Variants in DLGAP2 observed in about 807,000 individuals in gnomAD.
The protein encoded by DLGAP2 is DLG associated protein 2.
A neutral mutation model predicts 100.3 loss-of-function variants in DLGAP2; 26 were observed. The ratio of observed to expected loss-of-function variants is 0.26; its 90% confidence interval spans 0.19 to 0.36. The LOEUF is 0.36. DLGAP2 is among the 10% of genes least tolerant of loss of function. The pLI is 1.00. For missense variants in DLGAP2, 1,858 were observed against 1,453.2 expected (o/e 1.28, Z -4.53); for synonymous variants, 886 against 630.1 (o/e 1.41, Z -6.08).
chr8:867,099 C>T (rs931677259), intron 1 of DLGAP2, among the ~76,000 whole-genome samples: 9 of 152,326 alleles, frequency 5.9e-5, no homozygotes, highest in East Asian at 1.9e-4. Flanking sequence ...ATTCGTGTGC[C>T]GCCTACCGGC....
In DLGAP2 at chr8:975,270, G is replaced by A. The variant is rs749866549; in HGVS notation, c.73+67304G>A. 5.9e-4 allele frequency among the ~76,000 whole-genome samples: 90 copies of A among 152,114 alleles called. 1 individual carries two copies. Among genetic ancestry groups the A allele is most frequent in the Non-Finnish European group, 4.3e-4 (29 of 68,016 alleles). ...AACTAATAACTTTCCAAAACAGTAAGCACCAAGCCCGCATGGGTTCATTGG... is the reference window on the plus strand; with the variant it reads ...AACTAATAACTTTCCAAAACAGTAAACACCAAGCCCGCATGGGTTCATTGG... On this transcript the variant is annotated intron_variant, in intron 2 of 14. Transcript: ENST00000637795.
intron 1 of DLGAP2, among the ~76,000 whole-genome samples, chr8:783,648 C>T (rs1204653352): frequency 6.6e-6 from 1 of 152,142 alleles, no homozygotes; most frequent in Non-Finnish European, 1.5e-5. Context: ...CTACAGTCTG[C>T]TAATCTGAGA....
intron 2 of DLGAP2, among the ~76,000 whole-genome samples, chr8:1,164,292 G>C (rs1467447100): frequency 2.2e-5 from 1 of 45,018 alleles, no homozygotes; most frequent in African/African-American, 6.4e-5. Context: ...GACTGATTGT[G>C]AGCCCCCCAG....
chr8:1,029,397 A>G (rs1801909879), intron 2 of DLGAP2, among the ~76,000 whole-genome samples: 1 of 152,224 alleles, frequency 6.6e-6, no homozygotes. Context: ...GCCGAGGTAC[A>G]GAGGAAACTG....
At position 1,429,997 on chromosome 8, in the gene DLGAP2, CAT is replaced by C. The variant is rs1361890198; in HGVS notation, c.107-71361_107-71360del. On this transcript the variant is annotated intron_variant, in intron 3 of 14. Coordinates refer to ENST00000637795, the MANE Select transcript of DLGAP2 (RefSeq NM_001346810.2). ...GAATGAAAGCAGAAGGGGAGAGATG[CAT>C]ATATATACATATATATATATATATA... Among the ~76,000 whole-genome samples, 53 of 19,664 alleles carry C rather than the reference CAT, an allele frequency of 2.7e-3. 6 individuals are homozygous for C. The highest frequency in any genetic ancestry group is 5.9e-3 in the African/African-American group (52 of 8,848). The allele number at this position is 19,664 out of a possible 152,430, so 12.9% of individuals were successfully genotyped here. A position where few individuals can be genotyped will look rare whatever the true frequency, so the allele number is the denominator to read the frequency against.
chr8:945,769 T>C (rs1256009924), intron 2 of DLGAP2, among the ~76,000 whole-genome samples: 1 of 152,148 alleles, frequency 6.6e-6, no homozygotes, highest in Non-Finnish European at 1.5e-5. Context: ...TTCTTGCTTT[T>C]GCTCTCTCTC....
intron 4 of DLGAP2, among the ~76,000 whole-genome samples, chr8:1,521,228 A>G (rs781398020): frequency 6.6e-4 from 36 of 54,316 alleles, no homozygotes; most frequent in East Asian, 8.8e-4. Flanking sequence ...GATATGGGGC[A>G]TCTCTGGTTT....
chr8:1,116,188 A>G (rs1459793887), intron 2 of DLGAP2, among the ~76,000 whole-genome samples: 1 of 152,168 alleles, frequency 6.6e-6, no homozygotes, highest in Non-Finnish European at 1.5e-5. Flanking sequence ...GGACACCCGC[A>G]CTGGCCTTCC....
intron 2 of DLGAP2, among the ~76,000 whole-genome samples, chr8:1,183,210 C>T (rs78874219): frequency 0.038 from 5,832 of 151,964 alleles, 421 homozygotes; most frequent in African/African-American, 0.13. Flanking sequence ...CGTCTCGGAG[C>T]GGGGTCCTGG....
intron 2 of DLGAP2, among the ~76,000 whole-genome samples, chr8:1,062,722 C>T (rs1803123874): frequency 6.6e-6 from 1 of 152,044 alleles, no homozygotes; most frequent in Non-Finnish European, 1.5e-5. Context: ...GTTGTGATAG[C>T]AGCTGGGGGT....
intron 2 of DLGAP2, among the ~76,000 whole-genome samples, chr8:1,195,990 G>T (rs992028568): frequency 4.6e-5 from 7 of 152,236 alleles, no homozygotes; most frequent in Admixed American, 2.6e-4. Flanking sequence ...CAGCTGTGGG[G>T]ATGCTCACGT....
At chr8:1,252,355 C>T (rs1371444875) in intron 2 of DLGAP2, among the ~76,000 whole-genome samples, 1 of 144,460 alleles carries the variant, frequency 6.9e-6, no homozygotes, top group Non-Finnish European at 1.6e-5. Context: ...CATGTCATGT[C>T]ACACTTGCCA....
intron 1 of DLGAP2, among the ~76,000 whole-genome samples, chr8:890,728 C>A (rs1055170239): frequency 6.6e-6 from 1 of 152,124 alleles, no homozygotes; most frequent in Non-Finnish European, 1.5e-5. Flanking sequence ...ATCACAGATC[C>A]CCTTGGCAGA....
At chr8:1,418,204 G>C (rs982501507) in intron 3 of DLGAP2, among the ~76,000 whole-genome samples, 2 of 152,214 alleles carry the variant, frequency 1.3e-5, no homozygotes, top group African/African-American at 2.4e-5. Flanking sequence ...CCCAAAGAAT[G>C]ATGATGTAAC....
chr8:795,692 G>A (rs1286638203), intron 1 of DLGAP2, among the ~76,000 whole-genome samples: 3 of 148,284 alleles, frequency 2.0e-5, no homozygotes, highest in African/African-American at 7.5e-5. Context: ...GGCGTCCAGT[G>A]AGAGCAGGCG....
intron 1 of DLGAP2, among the ~76,000 whole-genome samples, chr8:740,594 A>C (rs1446320325): frequency 6.6e-6 from 1 of 152,208 alleles, no homozygotes; most frequent in African/African-American, 2.4e-5. Context: ...TGGAATTTAA[A>C]TTACATTGGA....
At chr8:1,012,955 G>T (rs1801340078) in intron 2 of DLGAP2, among the ~76,000 whole-genome samples, 1 of 152,120 alleles carries the variant, frequency 6.6e-6, no homozygotes, top group African/African-American at 2.4e-5. Context: ...AAACAGAGGG[G>T]GTCCCTGCCA....
rs139759959 is a variant in DLGAP2, at chr8:1,199,617, C to G, written c.74-59234C>G. ...ACCATCTTCATGAGCCAAACTCATG[C>G]CAGCCAGATGGGCGCTAGAAAGTGA... On this transcript the variant is annotated intron_variant, in intron 2 of 14. Transcript: ENST00000637795. Among the ~76,000 whole-genome samples, 61 of 152,254 alleles carry G rather than the reference C, an allele frequency of 4.0e-4. No homozygotes were observed. In the East Asian group the frequency reaches 0.011, roughly 27 times the overall value.
chr8:1,683,856 A>ATGTGTGTGTGTGTG (rs10583520), intron 12 of DLGAP2, among the ~76,000 whole-genome samples: 1 of 62,228 alleles, frequency 1.6e-5, no homozygotes, highest in South Asian at 7.8e-4. Context: ...ATATATATAT[A>ATGTGTGTGTGTGTG]TGTGTGTGTG....
Sources: allele counts gnomAD v4.1 joint callset (sites outside exome capture counted in the v4.1 genomes callset), GRCh38; gene constraint gnomAD v4.1.1; transcripts MANE v1.5; gene names NCBI Gene and HGNC (gene_info 2026-07-23, HGNC 2026-07-21).